Variants in RABGAP1 observed in about 807,000 individuals in gnomAD.
RABGAP1 encodes rab GTPase-activating protein 1.
RABGAP1 carries 23 observed loss-of-function variants against 137.6 expected under a neutral mutation model. The observed-to-expected ratio is 0.17, with a 90% confidence interval of 0.12 to 0.24. RABGAP1 has a LOEUF of 0.24. Ranked by LOEUF, RABGAP1 falls within the 10% of genes least tolerant of loss-of-function variation. The pLI is 1.00. For missense variants in RABGAP1, 906 were observed against 1,275.8 expected (o/e 0.71, Z 4.42); for synonymous variants, 451 against 450.7 (o/e 1.00, Z -0.01).
At chr9:123,043,879 C>T (rs1342327085) in intron 13 of RABGAP1, among the ~76,000 whole-genome samples, 1 of 150,990 alleles carries the variant, frequency 6.6e-6, no homozygotes. Flanking sequence ...GACCTTTTCA[C>T]TTACGTAGGT....
chr9:123,041,789 C>T (rs911819349), intron 13 of RABGAP1, among the ~76,000 whole-genome samples: 6 of 152,160 alleles, frequency 3.9e-5, no homozygotes, highest in African/African-American at 1.4e-4. Context: ...ACCACAGTAA[C>T]TACTTGGGAA....
intron 2 of RABGAP1, among the ~76,000 whole-genome samples, chr9:122,962,083 T>C (rs1006761101): frequency 5.3e-5 from 8 of 152,166 alleles, no homozygotes; most frequent in African/African-American, 1.4e-4. Flanking sequence ...TTTATAGATA[T>C]AATGTGTATA....
At chr9:122,981,285 C>G (rs758863982) in intron 2 of RABGAP1, among the ~76,000 whole-genome samples, 8 of 152,080 alleles carry the variant, frequency 5.3e-5, no homozygotes, top group Non-Finnish European at 1.2e-4. Flanking sequence ...CTTGGCCTCT[C>G]CAAGTGCTGG....
intron 3 of RABGAP1, among the ~76,000 whole-genome samples, chr9:122,985,708 T>C (rs1228207031): frequency 6.6e-6 from 1 of 150,566 alleles, no homozygotes; most frequent in Admixed American, 6.6e-5. Flanking sequence ...AATTACAAAG[T>C]CAAAACAAAT....
chr9:123,069,609 A>G (rs2034288166), intron 14 of RABGAP1, among the ~76,000 whole-genome samples: 1 of 150,482 alleles, frequency 6.6e-6, no homozygotes, highest in Non-Finnish European at 1.5e-5. Context: ...GGCCAGGCAC[A>G]CTGGCTCACA....
chr9:122,957,857 A>T (rs1834613782), intron 2 of RABGAP1, among the ~76,000 whole-genome samples: 1 of 150,668 alleles, frequency 6.6e-6, no homozygotes, highest in Non-Finnish European at 1.5e-5. Context: ...CACAGGCAAA[A>T]CTCCCTGCCC....
chr9:123,005,844 T>A (rs1443503229), intron 10 of RABGAP1, among the ~76,000 whole-genome samples: 2 of 152,222 alleles, frequency 1.3e-5, no homozygotes, highest in Non-Finnish European at 2.9e-5. Context: ...CAAATTCCCT[T>A]CTGTAGAAGG....
chr9:123,065,220 G>T, intron 13 of RABGAP1, 128 bp from the exon 14 acceptor site: 2 of 652,600 alleles, frequency 3.1e-6, no homozygotes, highest in South Asian at 2.2e-5. Flanking sequence ...AGTAACTATG[G>T]GCATACATAT....
At chr9:122,978,873 C>T (rs929707130) in intron 2 of RABGAP1, among the ~76,000 whole-genome samples, 1 of 141,796 alleles carries the variant, frequency 7.1e-6, no homozygotes, top group African/African-American at 2.6e-5. Flanking sequence ...GAATTTTAGT[C>T]ATTCATTTTA....
intron 21 of RABGAP1, among the ~76,000 whole-genome samples, chr9:123,096,141 G>C (rs879645681): frequency 7.3e-5 from 11 of 150,822 alleles, no homozygotes; most frequent in Non-Finnish European, 1.5e-4. Flanking sequence ...CTTCCTGAGA[G>C]AGCACAGTAG....
At chr9:123,075,651 A>G (rs1172221663) in intron 17 of RABGAP1, among the ~76,000 whole-genome samples, 3 of 152,258 alleles carry the variant, frequency 2.0e-5, no homozygotes, top group Non-Finnish European at 4.4e-5. Context: ...GTAGCTACTA[A>G]AGGCCAGGTG....
intron 2 of RABGAP1, among the ~76,000 whole-genome samples, chr9:122,962,610 A>G (rs934666020): frequency 6.6e-6 from 1 of 152,182 alleles, no homozygotes; most frequent in African/African-American, 2.4e-5. Flanking sequence ...AAAAATCATC[A>G]AAGAAATGTA....
intron 2 of RABGAP1, 124 bp from the exon 3 acceptor site, chr9:122,984,361 A>G: frequency 1.2e-6 from 1 of 811,962 alleles, no homozygotes; most frequent in Non-Finnish European, 1.9e-6. Flanking sequence ...TTTAAAAAAA[A>G]CATTCAGAAG....
At chr9:122,962,639 A>G (rs1352259930) in intron 2 of RABGAP1, among the ~76,000 whole-genome samples, 8 of 152,146 alleles carry the variant, frequency 5.3e-5, no homozygotes, top group Non-Finnish European at 1.0e-4. Flanking sequence ...ATTAGAAAAT[A>G]TTTACTAAGT....
chr9:123,034,983 T>C, intron 13 of RABGAP1: 3 of 1,613,750 alleles, frequency 1.9e-6, no homozygotes, highest in Non-Finnish European at 2.5e-6. Context: ...CCTATAATAC[T>C]CTGGTTACAC....
intron 14 of RABGAP1, among the ~76,000 whole-genome samples, chr9:123,069,679 G>C (rs183278023): frequency 8.9e-4 from 135 of 152,130 alleles, no homozygotes; most frequent in African/African-American, 2.9e-3. Context: ...CTAGGGGTTA[G>C]AGACCAGCCT....
intron 13 of RABGAP1, among the ~76,000 whole-genome samples, chr9:123,044,112 C>A (rs188946403): frequency 3.3e-5 from 5 of 151,878 alleles, no homozygotes; most frequent in African/African-American, 4.8e-5. Flanking sequence ...ACCATGTTAT[C>A]CAGGATGGTC....
At chr9:122,979,018 C>T (rs1048004404) in intron 2 of RABGAP1, among the ~76,000 whole-genome samples, 1 of 152,078 alleles carries the variant, frequency 6.6e-6, no homozygotes, top group Non-Finnish European at 1.5e-5. Flanking sequence ...CCCACCTCAG[C>T]CTCTTGAGTA....
chr9:123,033,254 T>G (rs1187622193), intron 13 of RABGAP1, among the ~76,000 whole-genome samples: 1 of 152,184 alleles, frequency 6.6e-6, no homozygotes, highest in African/African-American at 2.4e-5. Flanking sequence ...TCTTTAATAT[T>G]GCTCTTTGTT....
Sources: gnomAD v4.1 joint callset for allele counts (sites outside exome capture counted in the v4.1 genomes callset) on GRCh38, gnomAD v4.1.1 for gene constraint, MANE v1.5 for transcripts, NCBI Gene and HGNC (gene_info 2026-07-23, HGNC 2026-07-21) for gene names.